PLXDC2: variants seen among roughly 807,000 people sequenced by gnomAD.
PLXDC2 encodes the protein plexin domain-containing protein 2.
Under a neutral mutation model 68.9 loss-of-function variants are expected in PLXDC2, and 40 were observed. The observed-to-expected ratio is 0.58, with a 90% CI of 0.45 to 0.76. The LOEUF is 0.76. Among genes scored for constraint, PLXDC2 ranks in the 30% least tolerant of loss-of-function variants. The probability of loss-of-function intolerance (pLI) is 0.00; values close to 1 mark genes in which losing one functional copy is unlikely to be tolerated. For missense variants in PLXDC2, 644 were observed against 661.9 expected (o/e 0.97, Z 0.30); for synonymous variants, 243 against 234.2 (o/e 1.04, Z -0.34).
intron 1 of PLXDC2, among the ~76,000 whole-genome samples, chr10:19,951,445 A>G (rs1231615809): frequency 6.6e-6 from 1 of 152,164 alleles, no homozygotes; most frequent in African/African-American, 2.4e-5. Context: ...GCAATAAGAT[A>G]CTAACTATCT....
chr10:20,195,809 C>T (rs950497728), intron 9 of PLXDC2, among the ~76,000 whole-genome samples: 2 of 151,930 alleles, frequency 1.3e-5, no homozygotes, highest in African/African-American at 4.8e-5. Flanking sequence ...TTGATGTTCC[C>T]GAGGAAGATA....
chr10:19,998,448 A>G (rs1477116510), intron 1 of PLXDC2, among the ~76,000 whole-genome samples: 2 of 152,200 alleles, frequency 1.3e-5, no homozygotes, highest in Non-Finnish European at 2.9e-5. Flanking sequence ...CTACTGAATT[A>G]TGAACATATA....
At chr10:19,976,180 A>G (rs1020631406) in intron 1 of PLXDC2, among the ~76,000 whole-genome samples, 6 of 151,922 alleles carry the variant, frequency 3.9e-5, no homozygotes, top group Non-Finnish European at 8.8e-5. Context: ...ATTGTTGAGA[A>G]ATCCTAAGTA....
At chr10:20,092,646 C>T (rs1167134065) in intron 4 of PLXDC2, among the ~76,000 whole-genome samples, 1 of 151,860 alleles carries the variant, frequency 6.6e-6, no homozygotes, top group Non-Finnish European at 1.5e-5. Flanking sequence ...ATATTGGGTC[C>T]CAATTCCTTA....
intron 1 of PLXDC2, among the ~76,000 whole-genome samples, chr10:19,886,650 A>G (rs1224764766): frequency 6.6e-6 from 1 of 152,224 alleles, no homozygotes; most frequent in Non-Finnish European, 1.5e-5. Flanking sequence ...TATCTATGAC[A>G]AACCCACAGC....
chr10:20,118,133 C>G (rs866000194), intron 4 of PLXDC2, among the ~76,000 whole-genome samples: 1 of 116,646 alleles, frequency 8.6e-6, no homozygotes, highest in African/African-American at 2.8e-5. Flanking sequence ...CACACACACA[C>G]ACACAGACAC....
chr10:20,266,377 C>T (rs1222111412), intron 13 of PLXDC2, among the ~76,000 whole-genome samples: 3 of 146,716 alleles, frequency 2.0e-5, no homozygotes, highest in South Asian at 2.1e-4. Flanking sequence ...AAAAAAAAAA[C>T]GTAATGACAG....
At chr10:19,886,443 C>T (rs1417238741) in intron 1 of PLXDC2, among the ~76,000 whole-genome samples, 1 of 152,190 alleles carries the variant, frequency 6.6e-6, no homozygotes, top group Non-Finnish European at 1.5e-5. Flanking sequence ...AAGTGGGCTT[C>T]ATCCCTGGGA....
chr10:19,836,429 AG>A (rs1179069624), intron 1 of PLXDC2, among the ~76,000 whole-genome samples: 4 of 152,250 alleles, frequency 2.6e-5, no homozygotes. Flanking sequence ...GACTTTAAAA[AG>A]GCTTTCTTTT....
chr10:19,995,388 A>G (rs1189987961), intron 1 of PLXDC2, among the ~76,000 whole-genome samples: 1 of 152,214 alleles, frequency 6.6e-6, no homozygotes, highest in Non-Finnish European at 1.5e-5. Context: ...GAATTGTTAT[A>G]ACACGTTCAC....
intron 1 of PLXDC2, among the ~76,000 whole-genome samples, chr10:19,868,723 T>A (rs1316199697): frequency 3.3e-5 from 5 of 152,214 alleles, no homozygotes; most frequent in Non-Finnish European, 7.3e-5. Flanking sequence ...ACATTTGTTT[T>A]CCTTGAAAAC....
At chr10:19,879,838 G>A (rs1837697344) in intron 1 of PLXDC2, among the ~76,000 whole-genome samples, 1 of 152,120 alleles carries the variant, frequency 6.6e-6, no homozygotes, top group Non-Finnish European at 1.5e-5. Flanking sequence ...AGTTGATTGG[G>A]TTCTCTTGGC....
At chr10:19,993,468 G>A (rs1834785181) in intron 1 of PLXDC2, among the ~76,000 whole-genome samples, 2 of 152,144 alleles carry the variant, frequency 1.3e-5, no homozygotes, top group African/African-American at 2.4e-5. Flanking sequence ...GTCCATGGCT[G>A]GAGTGCAGTG....
At chr10:19,927,813 C>A (rs1025406045) in intron 1 of PLXDC2, among the ~76,000 whole-genome samples, 1 of 143,894 alleles carries the variant, frequency 6.9e-6, no homozygotes, top group African/African-American at 2.6e-5. Flanking sequence ...CTTTTATATA[C>A]ATTTTTTATT....
chr10:20,207,501 A>G (rs899036294), intron 9 of PLXDC2, among the ~76,000 whole-genome samples: 2 of 152,224 alleles, frequency 1.3e-5, no homozygotes, highest in South Asian at 4.1e-4. Flanking sequence ...CCGTGCTTTA[A>G]GAACGATCTG....
rs10633613 is a variant in PLXDC2 at position 20,238,677 on chromosome 10, G to GTATATATATATATATATATATATATA, written c.1313-6652_1313-6651insTATATATATATATATATATATATATA. Among the ~76,000 whole-genome samples, 184 of 76,436 alleles carry GTATATATATATATATATATATATATA rather than the reference G, an allele frequency of 2.4e-3. 1 individual carries two copies. Among genetic ancestry groups the GTATATATATATATATATATATATATA allele is most frequent in the South Asian group, 4.9e-3 (12 of 2,462 alleles). 50.1% of individuals were successfully genotyped at this position (76,436 alleles called of 152,430 possible). A position where few individuals can be genotyped will look rare whatever the true frequency, so the allele number is the denominator to read the frequency against. The stretch of plus-strand genomic sequence containing the variant: ...TCTCAAAAAAAATATATATATATAT[G>GTATATATATATATATATATATATATA]TATATATATATATATACACACATAT... On this transcript the variant is annotated intron_variant, in intron 12 of 13. Transcript: ENST00000377252.
Position 20,208,227 on chromosome 10 carries a change from A to G in PLXDC2, c.1062-3442A>G, listed in dbSNP as rs187161114. On this transcript the variant is annotated intron_variant, in intron 9 of 13. Coordinates refer to ENST00000377252, the MANE Select transcript of PLXDC2 (RefSeq NM_032812.9). ...ACATATCTTAGACTGGGTAATTTAT[A>G]AAGAAAAAGACATTTAATGGACTCA... Among the ~76,000 whole-genome samples, 312 of 152,294 alleles carry G rather than the reference A, an allele frequency of 2.0e-3. 1 individual carries two copies. Among genetic ancestry groups the G allele is most frequent in the South Asian group, 0.012 (60 of 4,826 alleles).
chr10:20,173,515 C>A (rs1834477599), intron 7 of PLXDC2, among the ~76,000 whole-genome samples: 1 of 152,166 alleles, frequency 6.6e-6, no homozygotes, highest in African/African-American at 2.4e-5. Context: ...CATTGTCCCT[C>A]CTGCTGATGC....
intron 13 of PLXDC2, among the ~76,000 whole-genome samples, chr10:20,256,613 C>T (rs923048636): frequency 6.6e-6 from 1 of 151,766 alleles, no homozygotes; most frequent in Non-Finnish European, 1.5e-5. Context: ...ATTTAATCCT[C>T]CCAAAAGTGT....
Sources: gnomAD v4.1 joint callset for allele counts (sites outside exome capture counted in the v4.1 genomes callset) on GRCh38, gnomAD v4.1.1 for gene constraint, MANE v1.5 for transcripts, NCBI Gene and HGNC (gene_info 2026-07-23, HGNC 2026-07-21) for gene names.